Variants in DSCAM observed in about 807,000 individuals in gnomAD.
DSCAM encodes the protein DS cell adhesion molecule, also known as cell adhesion molecule DSCAM.
In DSCAM, 47 loss-of-function variants were observed where a neutral mutation model predicts 217.7. The ratio of observed to expected loss-of-function variants is 0.22; its 90% CI spans 0.17 to 0.28. DSCAM has a LOEUF of 0.28. Ranked by LOEUF, DSCAM falls within the 10% of genes least tolerant of loss-of-function variation. The probability of loss-of-function intolerance (pLI) is 1.00; values close to 1 mark genes in which losing one functional copy is unlikely to be tolerated. For synonymous variants in DSCAM, 1,056 were observed against 1,015.3 expected (o/e 1.04, Z -0.76); for missense variants, 2,080 against 2,618.3 (o/e 0.79, Z 4.49).
intron 3 of DSCAM, among the ~76,000 whole-genome samples, chr21:40,542,424 C>A (rs777929689): frequency 2.0e-5 from 3 of 152,130 alleles, no homozygotes; most frequent in Non-Finnish European, 4.4e-5. Flanking sequence ...TTTGTGCTCC[C>A]CAAAAATTCA....
rs374866071 is a variant in DSCAM at position 40,386,383 on chromosome 21, CT to C, written c.509-17139del. Among the ~76,000 whole-genome samples the C allele has an allele frequency of 3.2e-3, 481 of 152,314 alleles. 1 individual carries two copies. Among genetic ancestry groups the C allele is most frequent in the African/African-American group, 0.01 (430 of 41,562 alleles). ...GAACCTACAAGGCTGTTCCGGAGAC[CT>C]TTGTGAATGTGAATGAACGCCCTTT... is the stretch of plus-strand genomic sequence containing the variant. On this transcript the variant is annotated intron_variant, in intron 3 of 32. Transcript: ENST00000400454.
intron 3 of DSCAM, among the ~76,000 whole-genome samples, chr21:40,453,772 C>T (rs762630876): frequency 6.6e-6 from 1 of 152,214 alleles, no homozygotes; most frequent in Non-Finnish European, 1.5e-5. Flanking sequence ...AAAGTACAAA[C>T]AGTCCCTGCC....
At chr21:40,318,908 AGTG>A (rs1440066802) in intron 8 of DSCAM, among the ~76,000 whole-genome samples, 1 of 152,106 alleles carries the variant, frequency 6.6e-6, no homozygotes, top group Non-Finnish European at 1.5e-5. Context: ...AGAGTGAGCC[AGTG>A]GGGAATTCTT....
At chr21:40,347,538 G>T (rs2074571892) in intron 6 of DSCAM, 132 bp downstream of exon 6, 5 of 1,222,474 alleles carry the variant, frequency 4.1e-6, no homozygotes, top group Non-Finnish European at 5.7e-6. Context: ...AAAAATTAGG[G>T]TAGAGTACTA....
intron 3 of DSCAM, among the ~76,000 whole-genome samples, chr21:40,454,073 C>T (rs1009100383): frequency 1.3e-5 from 2 of 152,168 alleles, no homozygotes; most frequent in African/African-American, 4.8e-5. Flanking sequence ...CGGACTGAAA[C>T]AGAAAGATAT....
At chr21:40,593,636 A>G (rs1023599337) in intron 3 of DSCAM, among the ~76,000 whole-genome samples, 1 of 152,216 alleles carries the variant, frequency 6.6e-6, no homozygotes, top group Non-Finnish European at 1.5e-5. Context: ...ATGAGCCACT[A>G]TACCAGGCTA....
intron 3 of DSCAM, among the ~76,000 whole-genome samples, chr21:40,428,257 TGTGTG>T (rs2075495897): frequency 6.9e-6 from 1 of 145,792 alleles, no homozygotes; most frequent in Non-Finnish European, 1.5e-5. Context: ...TGTGTGTGTG[TGTGTG>T]TGTGTGTGTG....
At chr21:40,245,252 C>T (rs371881096) in intron 11 of DSCAM, among the ~76,000 whole-genome samples, 1 of 152,178 alleles carries the variant, frequency 6.6e-6, no homozygotes, top group Admixed American at 6.5e-5. Context: ...TGCATTTGGT[C>T]TGGAGAGGCA....
chr21:40,123,572 G>A (rs989620775), intron 20 of DSCAM, among the ~76,000 whole-genome samples: 1 of 152,036 alleles, frequency 6.6e-6, no homozygotes, highest in African/African-American at 2.4e-5. Context: ...TTATTCAGCA[G>A]GAATAATATG....
At chr21:40,550,276 G>A (rs2076618998) in intron 3 of DSCAM, among the ~76,000 whole-genome samples, 1 of 152,184 alleles carries the variant, frequency 6.6e-6, no homozygotes, top group Non-Finnish European at 1.5e-5. Flanking sequence ...TGTAATCCTA[G>A]CACTTTGGGA....
chr21:40,116,811 G>T (rs989332881), intron 20 of DSCAM, among the ~76,000 whole-genome samples: 1 of 151,032 alleles, frequency 6.6e-6, no homozygotes, highest in Non-Finnish European at 1.5e-5. Context: ...GACCATCCTG[G>T]CTAACACAGT....
chr21:40,550,524 C>CA (rs996850575), intron 3 of DSCAM, among the ~76,000 whole-genome samples: 11 of 151,462 alleles, frequency 7.3e-5, no homozygotes, highest in African/African-American at 1.5e-4. Context: ...GAATCCATCT[C>CA]AAAAAAAAAT....
intron 3 of DSCAM, among the ~76,000 whole-genome samples, chr21:40,518,588 A>ATATG: frequency 1.1e-5 from 1 of 90,096 alleles, no homozygotes; most frequent in African/African-American, 5.9e-5. Flanking sequence ...ACACACATAT[A>ATATG]CACACACACA....
At chr21:40,455,258 GA>G (rs1415746849) in intron 3 of DSCAM, among the ~76,000 whole-genome samples, 8 of 152,140 alleles carry the variant, frequency 5.3e-5, no homozygotes, top group Non-Finnish European at 1.0e-4. Flanking sequence ...TCATTTGAAC[GA>G]AATGTATGGT....
At chr21:40,490,060 A>G (rs1290257696) in intron 3 of DSCAM, among the ~76,000 whole-genome samples, 2 of 152,174 alleles carry the variant, frequency 1.3e-5, no homozygotes, top group Non-Finnish European at 1.5e-5. Flanking sequence ...GTGGATGAGA[A>G]GCAGAATCAT....
intron 27 of DSCAM, among the ~76,000 whole-genome samples, chr21:40,070,927 A>C (rs1022624820): frequency 2.0e-5 from 3 of 152,246 alleles, no homozygotes; most frequent in Admixed American, 1.3e-4. Context: ...ACACATTTCC[A>C]TTCAAGAGAA....
chr21:40,157,855 C>A (rs1386622592), intron 16 of DSCAM, among the ~76,000 whole-genome samples: 2 of 152,010 alleles, frequency 1.3e-5, no homozygotes, highest in Admixed American at 1.3e-4. Context: ...CCACCACACC[C>A]AGCTATTTTT....
intron 3 of DSCAM, among the ~76,000 whole-genome samples, chr21:40,613,089 G>A (rs1200841078): frequency 6.6e-6 from 1 of 152,160 alleles, no homozygotes. Flanking sequence ...AATCTCTATT[G>A]ATTCAGCCTC....
intron 1 of DSCAM, among the ~76,000 whole-genome samples, chr21:40,770,692 C>T (rs1230098137): frequency 6.6e-6 from 1 of 152,286 alleles, no homozygotes; most frequent in East Asian, 1.9e-4. Flanking sequence ...ATTGTCACAA[C>T]AACCCTACAG....
Sources: allele counts gnomAD v4.1 joint callset (sites outside exome capture counted in the v4.1 genomes callset), GRCh38; gene constraint gnomAD v4.1.1; transcripts MANE v1.5; gene names NCBI Gene and HGNC (gene_info 2026-07-23, HGNC 2026-07-21).